CSMD1: variants seen among roughly 807,000 people sequenced by gnomAD.
CSMD1 encodes the protein CUB and Sushi multiple domains 1.
Under a neutral mutation model 417.5 loss-of-function variants are expected in CSMD1, and 213 were observed. That is an observed-to-expected ratio of 0.51 (90% CI 0.46 to 0.57). The LOEUF is 0.57. Ranked by LOEUF, CSMD1 falls within the 20% of genes least tolerant of loss-of-function variation. CSMD1 has a pLI of 0.00. For synonymous variants in CSMD1, 2,862 were observed against 1,736.8 expected, an observed-to-expected ratio of 1.65 and a Z score of -16.11; for missense variants, 6,923 against 4,529.7, an observed-to-expected ratio of 1.53 and a Z score of -15.17.
intron 2 of CSMD1, among the ~76,000 whole-genome samples, chr8:4,453,814 CTTTTT>C (rs60422486): frequency 0.016 from 1,092 of 67,664 alleles, 8 homozygotes; most frequent in African/African-American, 0.059. Flanking sequence ...CAATTCGTTT[CTTTTT>C]TTTTTTTTTT....
chr8:3,670,180 A>G (rs369341187), intron 7 of CSMD1, among the ~76,000 whole-genome samples: 144 of 152,122 alleles, frequency 9.5e-4, no homozygotes, highest in African/African-American at 3.4e-3. Flanking sequence ...GGGAAGGCAG[A>G]CTTACACTTA....
intron 3 of CSMD1, among the ~76,000 whole-genome samples, chr8:4,258,540 G>C (rs1178590964): frequency 1.1e-5 from 1 of 91,402 alleles, no homozygotes; most frequent in East Asian, 4.6e-4. Flanking sequence ...GGAGGGAAGA[G>C]TGGAACAATG....
intron 3 of CSMD1, among the ~76,000 whole-genome samples, chr8:4,313,601 ACTGT>A (rs1798753083): frequency 6.6e-6 from 1 of 151,982 alleles, no homozygotes; most frequent in Non-Finnish European, 1.5e-5. Flanking sequence ...GTCAATGTGG[ACTGT>A]CTGTTTTAAA....
intron 3 of CSMD1, among the ~76,000 whole-genome samples, chr8:4,193,947 G>T (rs1799186997): frequency 6.6e-6 from 1 of 151,882 alleles, no homozygotes; most frequent in African/African-American, 2.4e-5. Context: ...AGGTGGGGCT[G>T]CAGGTAATTT....
intron 20 of CSMD1, among the ~76,000 whole-genome samples, chr8:3,361,931 A>G (rs1809212797): frequency 6.6e-6 from 1 of 152,170 alleles, no homozygotes; most frequent in African/African-American, 2.4e-5. Flanking sequence ...TATATTAATT[A>G]TCACTTAATC....
Position 4,323,170 on chromosome 8 carries a change from A to G in CSMD1, c.415+96783T>C, listed in dbSNP as rs116161610. Reference sequence around the variant, plus strand: ...ATTTGTACAATGACAAGCTTTGGTTATACAATTCTAATTTCCAGTTCTAAA... The same window carrying G: ...ATTTGTACAATGACAAGCTTTGGTTGTACAATTCTAATTTCCAGTTCTAAA... On this transcript the variant is annotated intron_variant, in intron 3 of 69. Coordinates refer to ENST00000635120, the MANE Select transcript of CSMD1 (RefSeq NM_033225.6). 1.4e-3 allele frequency among the ~76,000 whole-genome samples: 220 copies of G among 152,306 alleles called. 2 individuals carry two copies. The highest frequency in any genetic ancestry group is 5.2e-3 in the African/African-American group (215 of 41,570).
intron 1 of CSMD1, among the ~76,000 whole-genome samples, chr8:4,915,243 A>G (rs917046483): frequency 1.3e-5 from 2 of 152,196 alleles, no homozygotes; most frequent in African/African-American, 4.8e-5. Context: ...TATGTATAAC[A>G]AGAAAAATCT....
chr8:4,793,447 C>T (rs11787015), intron 1 of CSMD1, among the ~76,000 whole-genome samples: 6 of 151,784 alleles, frequency 4.0e-5, no homozygotes, highest in African/African-American at 1.5e-4. Context: ...ATCACTTTCT[C>T]CTCCAGCTCC....
intron 8 of CSMD1, among the ~76,000 whole-genome samples, chr8:3,612,288 A>T (rs923083561): frequency 6.6e-6 from 1 of 152,282 alleles, no homozygotes; most frequent in South Asian, 2.1e-4. Context: ...CTAATTACAG[A>T]GCTTCAAAAT....
chr8:4,554,544 G>C (rs1450210922), intron 2 of CSMD1, among the ~76,000 whole-genome samples: 1 of 152,172 alleles, frequency 6.6e-6, no homozygotes, highest in Admixed American at 6.5e-5. Flanking sequence ...AGTGATAATA[G>C]TTGAGTTGTA....
intron 49 of CSMD1, among the ~76,000 whole-genome samples, chr8:3,072,209 C>A (rs746190642): frequency 6.6e-6 from 1 of 152,052 alleles, no homozygotes; most frequent in East Asian, 1.9e-4. Context: ...AATTAGAGGT[C>A]GAAAGTTTTG....
intron 5 of CSMD1, among the ~76,000 whole-genome samples, chr8:3,911,554 A>G (rs1808471591): frequency 6.6e-6 from 1 of 151,656 alleles, no homozygotes; most frequent in African/African-American, 2.4e-5. Flanking sequence ...AAAAAGAAGA[A>G]GAAGAAAACG....
chr8:4,642,841 T>G (rs1803283208), intron 1 of CSMD1, among the ~76,000 whole-genome samples: 1 of 152,190 alleles, frequency 6.6e-6, no homozygotes, highest in African/African-American at 2.4e-5. Flanking sequence ...TCAAAGATAT[T>G]TTGACATGTA....
At chr8:3,056,006 A>C (rs528689889) in intron 49 of CSMD1, among the ~76,000 whole-genome samples, 80 of 152,376 alleles carry the variant, frequency 5.3e-4, no homozygotes, top group African/African-American at 1.6e-3. Context: ...ATGACAAATT[A>C]TTATACGCAG....
At chr8:4,040,602 G>T (rs574264958) in intron 3 of CSMD1, among the ~76,000 whole-genome samples, 23 of 152,180 alleles carry the variant, frequency 1.5e-4, no homozygotes, top group South Asian at 6.2e-4. Flanking sequence ...TGCATATATG[G>T]ATTGGGGAGA....
intron 2 of CSMD1, among the ~76,000 whole-genome samples, chr8:4,451,913 G>C (rs768229248): frequency 6.7e-6 from 1 of 149,794 alleles, no homozygotes; most frequent in Non-Finnish European, 1.5e-5. Flanking sequence ...AATGATACCT[G>C]CCCAGAGATG....
At chr8:3,538,444 T>C (rs1053743106) in intron 10 of CSMD1, among the ~76,000 whole-genome samples, 1 of 152,126 alleles carries the variant, frequency 6.6e-6, no homozygotes, top group Admixed American at 6.5e-5. Context: ...TCACCTGAGA[T>C]GATGCACCTG....
intron 3 of CSMD1, among the ~76,000 whole-genome samples, chr8:4,146,173 G>T (rs750236852): frequency 6.6e-6 from 1 of 150,800 alleles, no homozygotes; most frequent in African/African-American, 2.5e-5. Context: ...CTCATACTCC[G>T]CTGGCCAAGT....
intron 3 of CSMD1, among the ~76,000 whole-genome samples, chr8:4,119,309 G>C (rs1039872862): frequency 6.6e-6 from 1 of 152,066 alleles, no homozygotes; most frequent in East Asian, 1.9e-4. Flanking sequence ...ATGTCAACAG[G>C]CAAATTACTA....
Sources: allele counts gnomAD v4.1 joint callset (sites outside exome capture counted in the v4.1 genomes callset), GRCh38; gene constraint gnomAD v4.1.1; transcripts MANE v1.5; gene names NCBI Gene and HGNC (gene_info 2026-07-23, HGNC 2026-07-21).